Variants in CTBP1 observed in about 807,000 individuals in gnomAD.
CTBP1 encodes C-terminal binding protein 1.
In CTBP1, 11 loss-of-function variants were observed where a neutral mutation model predicts 42.1. The ratio of observed to expected loss-of-function variants is 0.26; its 90% confidence interval spans 0.16 to 0.43. The LOEUF is 0.43. Ranked by LOEUF, CTBP1 falls within the 20% of genes least tolerant of loss-of-function variation. CTBP1 has a pLI of 1.00. For synonymous variants in CTBP1, 324 were observed against 277.1 expected (o/e 1.17, Z -1.68); for missense variants, 399 against 624.3 (o/e 0.64, Z 3.85).
chr4:1,223,641 C>T (rs1729992972), intron 5 of CTBP1: 1 of 374,670 alleles, frequency 2.7e-6, no homozygotes, highest in East Asian at 7.4e-5. Flanking sequence ...CCAAGGTGTC[C>T]AGGGAGTCTT....
Position 1,212,223 on chromosome 4 carries a change from G to A in CTBP1, c.*17C>T, listed in dbSNP as rs1417385069. 2.8e-6 allele frequency: 4 copies of A among 1,439,132 alleles called. No individual in the cohort carries two copies. In the African/African-American group the frequency reaches 4.5e-5, roughly 16 times the overall value. 89.1% of individuals were successfully genotyped at this position (1,439,132 alleles called of 1,614,324 possible). A position where few individuals can be genotyped will look rare whatever the true frequency, so the allele number is the denominator to read the frequency against. On this transcript the variant is annotated 3_prime_UTR_variant, in exon 10 of 10. Coordinates refer to ENST00000382952, the MANE Select transcript of CTBP1 (RefSeq NM_001012614.2). ...GGCCCTCTGCCCAGGCGCCGAGGCT[G>A]GAGAGCTCCTCCCGGGCTACAACTG...
chr4:1,242,401 G>C, intron 1 of CTBP1: 1 of 985,320 alleles, frequency 1.0e-6, no homozygotes, highest in Non-Finnish European at 1.2e-6. Flanking sequence ...AGCATGGCAG[G>C]CGTGGGCTGA....
At chr4:1,248,830 G>A (rs1733052437) in intron 1 of CTBP1, 86 bp downstream of exon 1, 2 of 906,366 alleles carry the variant, frequency 2.2e-6, no homozygotes, top group Non-Finnish European at 2.6e-6. Context: ...CGCGCGCTCG[G>A]TCCGCCCCCG....
At position 1,211,903 on chromosome 4, in the gene CTBP1, C is replaced by T. The variant is rs1204784810; in HGVS notation, c.*337G>A. 2 of 185,252 alleles carry T rather than the reference C, an allele frequency of 1.1e-5. No individual in the cohort carries two copies. The highest frequency in any genetic ancestry group is 2.4e-5 in the African/African-American group (1 of 42,350). The allele number at this position is 185,252 out of a possible 1,614,324, so 11.5% of individuals were successfully genotyped here. A position where few individuals can be genotyped will look rare whatever the true frequency, so the allele number is the denominator to read the frequency against. On this transcript the variant is annotated 3_prime_UTR_variant, in exon 10 of 10. Coordinates refer to ENST00000382952, the MANE Select transcript of CTBP1 (RefSeq NM_001012614.2). ...AACAAAAAAAAAAACCTCAAATTGA[C>T]TTCCAAATGCTCCTTCAGGTTTTCT...
At chr4:1,241,690 C>T in intron 1 of CTBP1, 171 bp from the exon 2 acceptor site, 1 of 1,257,518 alleles carries the variant, frequency 8.0e-7, no homozygotes, top group Non-Finnish European at 1.0e-6. Context: ...GGCCCCGGCT[C>T]CTGCCGCACA....
chr4:1,214,247 C>T, intron 7 of CTBP1, 96 bp downstream of exon 7: 1 of 1,396,076 alleles, frequency 7.2e-7, no homozygotes, highest in Admixed American at 3.3e-5. Flanking sequence ...TGAGTACAGG[C>T]AAGTGTCCGG....
chr4:1,241,054 G>C (rs1732125883), intron 2 of CTBP1, among the ~76,000 whole-genome samples: 1 of 152,198 alleles, frequency 6.6e-6, no homozygotes, highest in Non-Finnish European at 1.5e-5. Context: ...GGCCCTCCGT[G>C]CCTCTCAGAC....
In CTBP1 at chr4:1,246,010, A is replaced by G. The variant is rs180907076; in HGVS notation, c.-189+2906T>C. On this transcript the variant is annotated intron_variant, in intron 1 of 9. Coordinates refer to ENST00000382952, the MANE Select transcript of CTBP1 (RefSeq NM_001012614.2). ...ACGTTTGGCTCGGCAAAGAGCCACC[A>G]AGAAATTTCTGGCTTCACAGGGAAA... Among the ~76,000 whole-genome samples, 5 of 152,278 alleles carry G rather than the reference A, an allele frequency of 3.3e-5. No individual in the cohort carries two copies. The East Asian group carries it at 9.6e-4, about 29-fold the overall frequency.
At chr4:1,242,273 C>T (rs1038653574) in intron 1 of CTBP1, 10 of 985,300 alleles carry the variant, frequency 1.0e-5, no homozygotes, top group South Asian at 4.7e-5. Flanking sequence ...GGGAGGGTGT[C>T]ACTGAGCTGC....
chr4:1,224,393 G>A (rs1453918654), intron 5 of CTBP1, among the ~76,000 whole-genome samples: 1 of 150,874 alleles, frequency 6.6e-6, no homozygotes, highest in Non-Finnish European at 1.5e-5. Flanking sequence ...ATGCAGGCCT[G>A]TGTGAGACCC....
rs773926313 is a variant in CTBP1, at chr4:1,238,212, C to T, written c.133G>A (p.Ala45Thr). Reference sequence around the variant, plus strand: ...TCATGGATCTCCTGCGTGGACTGCGCGTCGCAGAAGGCCACAGTGGCCACG... The same window carrying T: ...TCATGGATCTCCTGCGTGGACTGCGTGTCGCAGAAGGCCACAGTGGCCACG... Reference protein sequence around the residue: ...KDVATVAFCDAQSTQEIHEKV... With the variant: ...KDVATVAFCDTQSTQEIHEKV... Residue 45 changes from alanine (A) to threonine (T), a missense_variant, in exon 3 of 10, where the codon GCG becomes ACG. Around this residue, in one of 4 missense-constraint regions of CTBP1, gnomAD observed 13 missense variants for 61.5 expected, o/e 0.21. Transcript: ENST00000382952. This position sits in a 1 kb window ranked among gnomAD's most constrained non-coding sequence, Gnocchi z 5.9. 1.9e-6 allele frequency: 3 copies of T among 1,612,962 alleles called. No homozygotes were observed. The highest frequency in any genetic ancestry group is 2.5e-6 in the Non-Finnish European group (3 of 1,179,872).
chr4:1,241,508 G>C lies in CTBP1; in HGVS notation c.-177C>G. Reference sequence around the variant, plus strand: ...GGCAATCACTGAAGCCTGCGTCGGGGTCAAAGTCTTACTAAAAATCAAACA... The same window carrying C: ...GGCAATCACTGAAGCCTGCGTCGGGCTCAAAGTCTTACTAAAAATCAAACA... On this transcript the variant is annotated 5_prime_UTR_variant, in exon 2 of 10. Coordinates refer to ENST00000382952, the MANE Select transcript of CTBP1 (RefSeq NM_001012614.2). 5 of 1,598,176 alleles carry C rather than the reference G, an allele frequency of 3.1e-6. No homozygotes were observed. Among genetic ancestry groups the C allele is most frequent in the Non-Finnish European group, 4.2e-6 (5 of 1,177,554 alleles).
At chr4:1,237,381 G>A (rs1365770822) in intron 3 of CTBP1, 1 of 685,944 alleles carries the variant, frequency 1.5e-6, no homozygotes. Flanking sequence ...TCCTGATGGG[G>A]CTCAGGGAAA....
chr4:1,236,502 A>G, intron 3 of CTBP1: 1 of 598,554 alleles, frequency 1.7e-6, no homozygotes. Context: ...GAAAAAACTG[A>G]AAATGAATCA....
At chr4:1,237,514 T>C (rs1731662525) in intron 3 of CTBP1, 1 of 682,278 alleles carries the variant, frequency 1.5e-6, no homozygotes, top group Non-Finnish European at 2.7e-6. Flanking sequence ...GTCCACCTCC[T>C]GATGGGGCTT....
At chr4:1,243,315 G>T in intron 1 of CTBP1, 2 of 985,418 alleles carry the variant, frequency 2.0e-6, no homozygotes, top group Non-Finnish European at 2.4e-6. Context: ...ACCCTGCAGT[G>T]AGGAGGCCGT....
intron 5 of CTBP1, among the ~76,000 whole-genome samples, chr4:1,221,202 G>A (rs1189254190): frequency 1.3e-5 from 2 of 152,252 alleles, no homozygotes; most frequent in African/African-American, 4.8e-5. Context: ...ACAAAGAGGT[G>A]CTCAGCCTCC....
chr4:1,244,707 CCT>C (rs1577081483), intron 1 of CTBP1: 1 of 985,298 alleles, frequency 1.0e-6, no homozygotes, highest in Non-Finnish European at 1.2e-6. Context: ...CTCACCCTGC[CCT>C]GTCCCCATAA....
intron 2 of CTBP1, among the ~76,000 whole-genome samples, chr4:1,240,755 C>T (rs972954206): frequency 6.6e-6 from 1 of 152,148 alleles, no homozygotes; most frequent in African/African-American, 2.4e-5. Flanking sequence ...CCATGAGCTG[C>T]CCCTGACCAC....
Sources: allele counts gnomAD v4.1 joint callset (sites outside exome capture counted in the v4.1 genomes callset), GRCh38; gene constraint gnomAD v4.1.1; regional missense constraint gnomAD v4.1.1; non-coding constraint Gnocchi (gnomAD v3.1); transcripts MANE v1.5; gene names NCBI Gene and HGNC (gene_info 2026-07-23, HGNC 2026-07-21).